Variants in EXOC4 observed in about 807,000 individuals in gnomAD.
The protein encoded by EXOC4 is SEC8-like 1.
In EXOC4, 71 loss-of-function variants were observed where a neutral mutation model predicts 107.2. That is an observed-to-expected ratio of 0.66 (90% CI 0.55 to 0.81). The LOEUF is 0.81. Among genes scored for constraint, EXOC4 ranks in the 30% least tolerant of loss-of-function variants. The probability of loss-of-function intolerance (pLI) is 0.00; values close to 1 mark genes in which losing one functional copy is unlikely to be tolerated. For synonymous variants in EXOC4, 456 were observed against 441.2 expected, an observed-to-expected ratio of 1.03 and a Z score of -0.42; for missense variants, 1,108 against 1,189.6, an observed-to-expected ratio of 0.93 and a Z score of 1.01.
At chr7:133,685,181 G>T (rs1437909896) in intron 10 of EXOC4, among the ~76,000 whole-genome samples, 1 of 152,058 alleles carries the variant, frequency 6.6e-6, no homozygotes, top group Non-Finnish European at 1.5e-5. Context: ...CAGGCTTTGC[G>T]TCCCCACCCA....
At chr7:133,526,816 A>T (rs1214767033) in intron 9 of EXOC4, among the ~76,000 whole-genome samples, 2 of 151,986 alleles carry the variant, frequency 1.3e-5, no homozygotes, top group Non-Finnish European at 2.9e-5. Context: ...CTAAAAATAC[A>T]AAAAAATTAG....
At chr7:133,785,655 A>G (rs1396327739) in intron 10 of EXOC4, among the ~76,000 whole-genome samples, 3 of 148,516 alleles carry the variant, frequency 2.0e-5, no homozygotes, top group African/African-American at 7.4e-5. Context: ...GAAGACAGAA[A>G]TGGGCACATG....
At chr7:133,479,097 T>C (rs896090410) in intron 8 of EXOC4, 1 of 152,216 alleles carries the variant, frequency 6.6e-6, no homozygotes, top group Non-Finnish European at 1.5e-5. Flanking sequence ...TCGTACTATG[T>C]TGCTGCTTTT....
chr7:133,797,239 C>G (rs530457484), intron 10 of EXOC4, among the ~76,000 whole-genome samples: 260 of 152,318 alleles, frequency 1.7e-3, no homozygotes, highest in Non-Finnish European at 3.1e-3. Context: ...ACCACAGCCA[C>G]TCTATTAATA....
chr7:133,793,326 C>T (rs752058118), intron 10 of EXOC4, among the ~76,000 whole-genome samples: 9 of 152,066 alleles, frequency 5.9e-5, no homozygotes, highest in Non-Finnish European at 8.8e-5. Context: ...ATTTGAGAAT[C>T]TGATGACAGC....
intron 13 of EXOC4, among the ~76,000 whole-genome samples, chr7:133,924,512 G>C (rs928580131): frequency 6.6e-6 from 1 of 152,064 alleles, no homozygotes; most frequent in African/African-American, 2.4e-5. Context: ...TAGAATCAAG[G>C]TCCTGGCTTT....
intron 7 of EXOC4, among the ~76,000 whole-genome samples, chr7:133,413,969 G>A (rs981226676): frequency 6.6e-6 from 1 of 151,978 alleles, no homozygotes; most frequent in Admixed American, 6.6e-5. Context: ...AGCCCTAAAA[G>A]ACTGACTTAA....
chr7:133,287,228 A>G (rs1208333559), intron 2 of EXOC4, among the ~76,000 whole-genome samples: 1 of 152,188 alleles, frequency 6.6e-6, no homozygotes. Context: ...AGGAAGGAGT[A>G]GAAATAATTG....
At chr7:133,849,516 A>C (rs568557152) in intron 11 of EXOC4, among the ~76,000 whole-genome samples, 3 of 152,342 alleles carry the variant, frequency 2.0e-5, no homozygotes, top group East Asian at 1.9e-4. Flanking sequence ...TGTTTTTAAT[A>C]AATTTTATTT....
chr7:133,385,450 G>C (rs750176261), intron 7 of EXOC4, among the ~76,000 whole-genome samples: 1 of 152,146 alleles, frequency 6.6e-6, no homozygotes, highest in African/African-American at 2.4e-5. Context: ...GAATATTTAC[G>C]TGATTACCGG....
intron 9 of EXOC4, among the ~76,000 whole-genome samples, chr7:133,577,426 T>C (rs887096368): frequency 1.2e-4 from 19 of 152,348 alleles, no homozygotes; most frequent in African/African-American, 4.6e-4. Context: ...AAACTATTTT[T>C]ACAAATTATT....
intron 9 of EXOC4, among the ~76,000 whole-genome samples, chr7:133,567,895 C>T (rs1800938801): frequency 6.6e-6 from 1 of 152,292 alleles, no homozygotes; most frequent in Admixed American, 6.5e-5. Flanking sequence ...GAAGGTTCTA[C>T]CTGTCAACCC....
chr7:134,007,701 C>G lies in EXOC4; in HGVS notation c.2553C>G (p.Ile851Met), dbSNP rs1585317466. 6.2e-7 allele frequency: 1 copy of G among 1,613,368 alleles called. No homozygotes were observed. The highest frequency in any genetic ancestry group is 8.5e-7 in the Non-Finnish European group (1 of 1,179,656). ...GCCTGGGCCACCTGATCTCCTGCAT[C>G]CTCATTAATGGTGCCCAGTACTTCA... is the stretch of plus-strand genomic sequence containing the variant. ...FEGLGHLISC[I>M]LINGAQYFRR... The change falls in exon 17 of 18, where the codon ATC becomes ATG. Residue 851 changes from isoleucine to methionine, a missense_variant. Physicochemically the swap from Ile to Met is conservative, Grantham distance 10. Transcript: ENST00000253861.
chr7:133,709,279 G>A (rs1006680222), intron 10 of EXOC4, among the ~76,000 whole-genome samples: 6 of 152,204 alleles, frequency 3.9e-5, no homozygotes, highest in African/African-American at 9.7e-5. Flanking sequence ...GGAATAGGAC[G>A]TAGGAGATGA....
At chr7:133,454,732 G>A (rs925414401) in intron 7 of EXOC4, among the ~76,000 whole-genome samples, 10 of 152,068 alleles carry the variant, frequency 6.6e-5, no homozygotes, top group African/African-American at 2.4e-4. Flanking sequence ...TCCCTTATCC[G>A]TGTGGGATAT....
intron 9 of EXOC4, among the ~76,000 whole-genome samples, chr7:133,496,839 T>C (rs1799487203): frequency 6.6e-6 from 1 of 152,202 alleles, no homozygotes; most frequent in Non-Finnish European, 1.5e-5. Flanking sequence ...GTTTTTTATA[T>C]GGCAACACTG....
At chr7:133,722,790 ATTTTT>A (rs1795132098) in intron 10 of EXOC4, among the ~76,000 whole-genome samples, 1 of 152,220 alleles carries the variant, frequency 6.6e-6, no homozygotes, top group Non-Finnish European at 1.5e-5. Flanking sequence ...AAATTGTTGC[ATTTTT>A]AAACAAGCAG....
chr7:133,610,489 C>T lies in EXOC4; in HGVS notation c.1418-19556C>T, dbSNP rs141902548. On this transcript the variant is annotated intron_variant, in intron 9 of 17. Transcript: ENST00000253861. ...AAGTTCCAACCTGTTTATTTTAATACTGTCTTCTAGGACCACAGAATATAA... is the reference window on the plus strand; with the variant it reads ...AAGTTCCAACCTGTTTATTTTAATATTGTCTTCTAGGACCACAGAATATAA... Among the ~76,000 whole-genome samples the T allele has an allele frequency of 5.3e-5, 8 of 152,274 alleles. No homozygotes were observed. The East Asian group carries it at 1.5e-3, about 29-fold the overall frequency.
intron 3 of EXOC4, among the ~76,000 whole-genome samples, chr7:133,295,779 GA>G (rs1794506021): frequency 6.6e-6 from 1 of 152,072 alleles, no homozygotes; most frequent in Non-Finnish European, 1.5e-5. Flanking sequence ...GTGCAAGCAA[GA>G]AAAAAGGGAG....
Sources: gnomAD v4.1 joint callset for allele counts (sites outside exome capture counted in the v4.1 genomes callset) on GRCh38, gnomAD v4.1.1 for gene constraint, MANE v1.5 for transcripts, NCBI Gene and HGNC (gene_info 2026-07-23, HGNC 2026-07-21) for gene names.